KCNN2: variants seen among roughly 807,000 people sequenced by gnomAD.
KCNN2 encodes the protein small conductance calcium-activated potassium channel protein 2.
Under a neutral mutation model 55.5 loss-of-function variants are expected in KCNN2, and 24 were observed. The ratio of observed to expected loss-of-function variants is 0.43; its 90% CI spans 0.31 to 0.61. The LOEUF is 0.61. Ranked by LOEUF, KCNN2 falls within the 20% of genes least tolerant of loss-of-function variation. The probability of loss-of-function intolerance (pLI) is 0.08; values close to 1 mark genes in which losing one functional copy is unlikely to be tolerated. For synonymous variants in KCNN2, 431 were observed against 336.1 expected (o/e 1.28, Z -3.09); for missense variants, 754 against 853.6 (o/e 0.88, Z 1.45).
At chr5:114,159,976 T>G (rs1349315909) in intron 1 of KCNN2, among the ~76,000 whole-genome samples, 1 of 152,200 alleles carries the variant, frequency 6.6e-6, no homozygotes, top group Non-Finnish European at 1.5e-5. Flanking sequence ...ATTGATTTTT[T>G]GAGGGGTTTT....
chr5:114,223,323 TG>T (rs1394813756), intron 2 of KCNN2, among the ~76,000 whole-genome samples: 1 of 152,206 alleles, frequency 6.6e-6, no homozygotes, highest in Non-Finnish European at 1.5e-5. Context: ...AAAACTTGTT[TG>T]GAGAAAAATC....
At chr5:114,407,467 T>A (rs750244212) in intron 3 of KCNN2, among the ~76,000 whole-genome samples, 2 of 152,180 alleles carry the variant, frequency 1.3e-5, no homozygotes, top group African/African-American at 4.8e-5. Flanking sequence ...ATAGAAACTT[T>A]TCTCTGGAGA....
chr5:114,224,175 A>G (rs1177569855), intron 2 of KCNN2, among the ~76,000 whole-genome samples: 1 of 152,176 alleles, frequency 6.6e-6, no homozygotes, highest in Admixed American at 6.5e-5. Context: ...TCCCAGCCCA[A>G]AAGGTAAAAT....
At chr5:114,164,364 T>C (rs1752862310) in intron 1 of KCNN2, among the ~76,000 whole-genome samples, 1 of 152,222 alleles carries the variant, frequency 6.6e-6, no homozygotes, top group Admixed American at 6.5e-5. Flanking sequence ...TAACCAGTTT[T>C]GATTTAGCTT....
intron 2 of KCNN2, among the ~76,000 whole-genome samples, chr5:114,394,553 G>A (rs1023530321): frequency 6.6e-6 from 1 of 152,186 alleles, no homozygotes; most frequent in African/African-American, 2.4e-5. Flanking sequence ...TCTGGAGTTT[G>A]TGTCAAAAAG....
At chr5:114,126,750 G>A (rs1751940253) in intron 1 of KCNN2, among the ~76,000 whole-genome samples, 1 of 152,070 alleles carries the variant, frequency 6.6e-6, no homozygotes, top group Non-Finnish European at 1.5e-5. Flanking sequence ...AAAGTCCACA[G>A]TCCAAAGTCT....
intron 1 of KCNN2, among the ~76,000 whole-genome samples, chr5:114,168,269 C>T (rs1752961143): frequency 6.6e-6 from 1 of 151,206 alleles, no homozygotes; most frequent in Non-Finnish European, 1.5e-5. Flanking sequence ...ATTTAGTTTC[C>T]ATAGGATATT....
chr5:114,463,783 C>G (rs1019235846), intron 4 of KCNN2, among the ~76,000 whole-genome samples: 3 of 152,018 alleles, frequency 2.0e-5, no homozygotes, highest in Non-Finnish European at 2.9e-5. Context: ...AGCTTCTGAC[C>G]TGTTTTGGGC....
intron 1 of KCNN2, among the ~76,000 whole-genome samples, chr5:114,210,938 T>A (rs1028815859): frequency 1.3e-5 from 2 of 152,196 alleles, no homozygotes; most frequent in Middle Eastern, 3.4e-3. Context: ...AAGAGACATA[T>A]GTGTGGCCAA....
intron 6 of KCNN2, among the ~76,000 whole-genome samples, chr5:114,489,447 CAG>C (rs1192624973): frequency 1.3e-5 from 2 of 152,052 alleles, no homozygotes; most frequent in Non-Finnish European, 2.9e-5. Context: ...GATAGAGTGA[CAG>C]AGGAAGCTAC....
At chr5:114,290,727 A>G (rs767260612) in intron 2 of KCNN2, among the ~76,000 whole-genome samples, 2 of 152,150 alleles carry the variant, frequency 1.3e-5, no homozygotes, top group African/African-American at 2.4e-5. Flanking sequence ...TTTATGAGCT[A>G]TAAATTTACC....
intron 1 of KCNN2, among the ~76,000 whole-genome samples, chr5:114,151,389 GC>G (rs1388988513): frequency 6.6e-6 from 1 of 152,058 alleles, no homozygotes; most frequent in African/African-American, 2.4e-5. Context: ...CCACCGTCCT[GC>G]CACTCCAGCT....
At chr5:114,257,444 CA>C (rs1282819762) in intron 2 of KCNN2, among the ~76,000 whole-genome samples, 2 of 151,852 alleles carry the variant, frequency 1.3e-5, no homozygotes, top group African/African-American at 4.8e-5. Context: ...TTGCTTTGGG[CA>C]GTATGGTCAT....
At chr5:114,170,107 G>T (rs1753002041) in intron 1 of KCNN2, among the ~76,000 whole-genome samples, 1 of 151,994 alleles carries the variant, frequency 6.6e-6, no homozygotes, top group African/African-American at 2.4e-5. Flanking sequence ...ATCAAAAACT[G>T]TTGCTAGGAA....
intron 4 of KCNN2, among the ~76,000 whole-genome samples, chr5:114,472,357 T>G (rs1256518692): frequency 6.6e-6 from 1 of 152,194 alleles, no homozygotes; most frequent in Non-Finnish European, 1.5e-5. Flanking sequence ...AGAACAATGG[T>G]CTGTAATTCA....
At position 114,468,163 on chromosome 5, in the gene KCNN2, A is replaced by G. The variant is rs1304773267; in HGVS notation, c.1780-4891A>G. 2.0e-5 allele frequency among the ~76,000 whole-genome samples: 3 copies of G among 152,308 alleles called. No individual in the cohort carries two copies. In the East Asian group the frequency reaches 5.8e-4, roughly 29 times the overall value. ...AAGACACTTAGAGGGCATTTTTGAT[A>G]GAATTTGTCATCAAAACTTCCTTGA... On this transcript the variant is annotated intron_variant, in intron 4 of 7. Transcript: ENST00000673685.
rs565474272 is a variant in KCNN2 at position 114,114,047 on chromosome 5, A to G, written c.-271+57547A>G. On this transcript the variant is annotated intron_variant, in intron 1 of 10. Transcript: ENST00000512097. ...CCCACTGGGTAAACAACTCTAGCCAACTGTCCCTTTTCTTGTAAGTCTCTT... is the reference window on the plus strand; with the variant it reads ...CCCACTGGGTAAACAACTCTAGCCAGCTGTCCCTTTTCTTGTAAGTCTCTT... Among the ~76,000 whole-genome samples, 67 of 152,184 alleles carry G rather than the reference A, an allele frequency of 4.4e-4. 1 individual carries two copies. The highest frequency in any genetic ancestry group is 1.5e-3 in the African/African-American group (62 of 41,550).
At chr5:114,285,496 A>T (rs528654706) in intron 2 of KCNN2, among the ~76,000 whole-genome samples, 6 of 152,270 alleles carry the variant, frequency 3.9e-5, no homozygotes, top group Admixed American at 1.3e-4. Context: ...TAAGTAAATC[A>T]AGCCATTTCT....
intron 1 of KCNN2, among the ~76,000 whole-genome samples, chr5:114,140,366 C>G (rs916562247): frequency 6.6e-6 from 1 of 152,150 alleles, no homozygotes; most frequent in Non-Finnish European, 1.5e-5. Flanking sequence ...TGCTGCTTTG[C>G]CTTCTACACC....
Sources: gnomAD v4.1 joint callset for allele counts (sites outside exome capture counted in the v4.1 genomes callset) on GRCh38, gnomAD v4.1.1 for gene constraint, MANE v1.5 for transcripts, NCBI Gene and HGNC (gene_info 2026-07-23, HGNC 2026-07-21) for gene names.